NRXN3: variants seen among roughly 807,000 people sequenced by gnomAD.
NRXN3 encodes neurexin III.
Under a neutral mutation model 137.6 loss-of-function variants are expected in NRXN3, and 32 were observed. The observed-to-expected ratio is 0.23, with a 90% CI of 0.18 to 0.31. The LOEUF (loss-of-function observed/expected upper bound fraction) is 0.31, where lower values mean the gene tolerates loss of function less well. NRXN3 is among the 10% of genes least tolerant of loss of function. The probability of loss-of-function intolerance (pLI) is 1.00; values close to 1 mark genes in which losing one functional copy is unlikely to be tolerated. For synonymous variants in NRXN3, 798 were observed against 784.5 expected (o/e 1.02, Z -0.29); for missense variants, 1,574 against 2,062.5 (o/e 0.76, Z 4.59).
chr14:79,689,632 G>T (rs997904614), intron 17 of NRXN3, among the ~76,000 whole-genome samples: 2 of 152,030 alleles, frequency 1.3e-5, no homozygotes, highest in African/African-American at 4.8e-5. Flanking sequence ...GGAGAAGAAT[G>T]ACTCTCTGTC....
chr14:79,075,700 G>A (rs181568085), intron 15 of NRXN3, among the ~76,000 whole-genome samples: 1 of 152,272 alleles, frequency 6.6e-6, no homozygotes, highest in East Asian at 1.9e-4. Flanking sequence ...CCAAATGCAT[G>A]CTGTTTGATT....
intron 15 of NRXN3, among the ~76,000 whole-genome samples, chr14:79,465,297 C>T (rs758253688): frequency 6.6e-6 from 1 of 152,132 alleles, no homozygotes; most frequent in Non-Finnish European, 1.5e-5. Context: ...AGGAAGTAAA[C>T]ATTGTTTTGC....
intron 10 of NRXN3, among the ~76,000 whole-genome samples, chr14:78,913,110 C>G (rs965843932): frequency 6.6e-6 from 1 of 151,992 alleles, no homozygotes; most frequent in African/African-American, 2.4e-5. Context: ...CAGTTACAAT[C>G]TTGATAAGAT....
chr14:78,766,538 G>A (rs2098709725), intron 8 of NRXN3, among the ~76,000 whole-genome samples: 1 of 152,158 alleles, frequency 6.6e-6, no homozygotes, highest in African/African-American at 2.4e-5. Flanking sequence ...GTTGATTGTG[G>A]ATATCTGAAA....
chr14:79,534,115 A>G (rs1031370488), intron 16 of NRXN3, among the ~76,000 whole-genome samples: 15 of 152,196 alleles, frequency 9.9e-5, no homozygotes, highest in African/African-American at 3.1e-4. Flanking sequence ...TGGAGCTGGA[A>G]AAGAGCTTAG....
At chr14:78,725,744 C>T (rs2098480021) in intron 8 of NRXN3, among the ~76,000 whole-genome samples, 1 of 152,202 alleles carries the variant, frequency 6.6e-6, no homozygotes, top group African/African-American at 2.4e-5. Context: ...GAAAGGACCT[C>T]TGAGGTTTTT....
At chr14:79,109,207 A>C (rs1414978251) in intron 15 of NRXN3, among the ~76,000 whole-genome samples, 3 of 152,070 alleles carry the variant, frequency 2.0e-5, no homozygotes, top group African/African-American at 7.2e-5. Context: ...AATCCTCATA[A>C]ATTGTCTATC....
In NRXN3 at chr14:79,165,043, C is replaced by G. The variant is rs554828734; in HGVS notation, c.3262+176902C>G. On this transcript the variant is annotated intron_variant, in intron 15 of 20. Transcript: ENST00000335750. The stretch of plus-strand genomic sequence containing the variant: ...AAAAATTCTCTTAATGTGTTTGCAA[C>G]TAAATTGGCATTAATTTAATGAATT... Among the ~76,000 whole-genome samples, 3 of 152,088 alleles carry G rather than the reference C, an allele frequency of 2.0e-5. No individual in the cohort carries two copies. In the East Asian group the frequency reaches 5.8e-4, roughly 30 times the overall value.
intron 17 of NRXN3, among the ~76,000 whole-genome samples, chr14:79,675,858 CT>C (rs1262664938): frequency 1.3e-5 from 2 of 152,080 alleles, no homozygotes; most frequent in Non-Finnish European, 2.9e-5. Context: ...TCTGTTACTT[CT>C]ACTTAATAAG....
chr14:78,692,956 G>A (rs897510886), intron 6 of NRXN3, among the ~76,000 whole-genome samples: 9 of 151,850 alleles, frequency 5.9e-5, no homozygotes, highest in East Asian at 1.9e-4. Flanking sequence ...GGTGGCACAC[G>A]TCTGCAGTCC....
At chr14:78,407,540 A>G (rs77502965) in intron 4 of NRXN3, among the ~76,000 whole-genome samples, 13,603 of 152,156 alleles carry the variant, frequency 0.089, 866 homozygotes, top group African/African-American at 0.18. Context: ...GAGACTTGGC[A>G]ATTGATAGAA....
Position 78,320,005 on chromosome 14 carries a change from G to T in NRXN3, c.757+22145G>T, listed in dbSNP as rs527435790. On this transcript the variant is annotated intron_variant, in intron 4 of 20. Coordinates refer to ENST00000335750, the MANE Select transcript of NRXN3 (RefSeq NM_001330195.2). ...TGGAGGAACAGAAGTGCATTAGGAG[G>T]CTCATATTTCACAACTGGTTGCCAG... 9.2e-5 allele frequency among the ~76,000 whole-genome samples: 14 copies of T among 152,342 alleles called. No homozygotes were observed. In the East Asian group the frequency reaches 1.7e-3, roughly 19 times the overall value.
intron 15 of NRXN3, among the ~76,000 whole-genome samples, chr14:79,358,164 T>C (rs1319538472): frequency 6.6e-6 from 1 of 152,190 alleles, no homozygotes; most frequent in Non-Finnish European, 1.5e-5. Flanking sequence ...TCCTGCAGGC[T>C]AAGCCTTGGT....
At chr14:78,721,313 G>A (rs1458647719) in intron 8 of NRXN3, among the ~76,000 whole-genome samples, 2 of 152,104 alleles carry the variant, frequency 1.3e-5, no homozygotes, top group African/African-American at 2.4e-5. Flanking sequence ...CTCATCCCTC[G>A]TAGGTTTCCA....
At chr14:79,294,405 C>T (rs944349970) in intron 15 of NRXN3, among the ~76,000 whole-genome samples, 1 of 152,130 alleles carries the variant, frequency 6.6e-6, no homozygotes, top group Non-Finnish European at 1.5e-5. Context: ...TTGGGCATAT[C>T]CCTCTAATAT....
intron 4 of NRXN3, among the ~76,000 whole-genome samples, chr14:78,466,553 GCTTGTGGAGAAC>G (rs965202994): frequency 2.0e-5 from 3 of 152,170 alleles, no homozygotes; most frequent in African/African-American, 7.2e-5. Flanking sequence ...TGGTTTAATG[GCTTGTGGAGAAC>G]CTTGGATGCT....
intron 16 of NRXN3, among the ~76,000 whole-genome samples, chr14:79,490,366 A>G (rs574641945): frequency 1.3e-5 from 2 of 152,330 alleles, no homozygotes; most frequent in East Asian, 3.9e-4. Flanking sequence ...CTGCAGTCCT[A>G]TGTTTGTTGC....
At chr14:79,427,787 G>T (rs918571433) in intron 15 of NRXN3, among the ~76,000 whole-genome samples, 1 of 147,282 alleles carries the variant, frequency 6.8e-6, no homozygotes, top group Non-Finnish European at 1.5e-5. Flanking sequence ...AGCTGAGATC[G>T]CACCACTGCA....
chr14:78,292,998 T>C (rs193181180), intron 3 of NRXN3, among the ~76,000 whole-genome samples: 2 of 152,344 alleles, frequency 1.3e-5, no homozygotes, highest in Admixed American at 1.3e-4. Flanking sequence ...ACAGAATGCA[T>C]GCCTAGCATA....
Sources: allele counts gnomAD v4.1 joint callset (sites outside exome capture counted in the v4.1 genomes callset), GRCh38; gene constraint gnomAD v4.1.1; transcripts MANE v1.5; gene names NCBI Gene and HGNC (gene_info 2026-07-23, HGNC 2026-07-21).